TRPC1: variants seen among roughly 807,000 people sequenced by gnomAD.
The protein encoded by TRPC1 is transient receptor potential cation channel subfamily C member 1, also known as short transient receptor potential channel 1.
Under a neutral mutation model 88.2 loss-of-function variants are expected in TRPC1, and 42 were observed. The observed-to-expected ratio is 0.48, with a 90% confidence interval of 0.37 to 0.62. TRPC1 has a LOEUF of 0.62. Among genes scored for constraint, TRPC1 ranks in the 20% least tolerant of loss-of-function variants. TRPC1 has a pLI of 0.00. For synonymous variants in TRPC1, 288 were observed against 331.8 expected, an observed-to-expected ratio of 0.87 and a Z score of 1.43; for missense variants, 699 against 957.3, an observed-to-expected ratio of 0.73 and a Z score of 3.56.
chr3:142,784,192 T>C (rs1053108465), intron 6 of TRPC1, among the ~76,000 whole-genome samples: 1 of 152,148 alleles, frequency 6.6e-6, no homozygotes, highest in African/African-American at 2.4e-5. Context: ...AGACTGAAGA[T>C]GTCCAACATT....
chr3:142,777,337 A>T (rs1335268035), intron 4 of TRPC1, among the ~76,000 whole-genome samples: 1 of 152,224 alleles, frequency 6.6e-6, no homozygotes, highest in Non-Finnish European at 1.5e-5. Context: ...ATATGAATTT[A>T]ATTAAACTGG....
chr3:142,753,360 G>C (rs13081200), intron 4 of TRPC1, among the ~76,000 whole-genome samples: 21,938 of 152,222 alleles, frequency 0.14, 1,991 homozygotes, highest in Middle Eastern at 0.24. Flanking sequence ...GTTTGAGAGA[G>C]TTTGTTAATG....
At position 142,724,868 on chromosome 3, in the gene TRPC1, GC is replaced by G; in HGVS notation, c.172+138del. 1 of 1,079,834 alleles carries G rather than the reference GC, an allele frequency of 9.3e-7. No individual in the cohort carries two copies. The highest frequency in any genetic ancestry group is 1.2e-6 in the Non-Finnish European group (1 of 802,050). The allele number at this position is 1,079,834 out of a possible 1,614,324, so 66.9% of individuals were successfully genotyped here. ...CTTCCCGCCTCGCCTGCTGCCTCAG[GC>G]GGTCTTCTCCTCACCGCCTCTGCCC... is the stretch of plus-strand genomic sequence containing the variant. On this transcript the variant is annotated intron_variant, in intron 1 of 12. Coordinates refer to ENST00000476941, the MANE Select transcript of TRPC1 (RefSeq NM_001251845.2). This position sits in a 1 kb window ranked among gnomAD's most constrained non-coding sequence, Gnocchi z 5.6.
rs1175984676 is a variant in TRPC1, at chr3:142,724,280, C to G, written c.-280C>G. ...CGCGCGCCACACTGTCGTCCCCGGA[C>G]GGGCGCGGACCGGCTCGGCCGGGGC... is the stretch of plus-strand genomic sequence containing the variant. On this transcript the variant is annotated 5_prime_UTR_variant, in exon 1 of 13. Transcript: ENST00000476941. The surrounding 1 kb of genome is among the most constrained non-coding windows in gnomAD (Gnocchi z 5.6). 1 of 190,724 alleles carries G rather than the reference C, an allele frequency of 5.2e-6. No homozygotes were observed. The highest frequency in any genetic ancestry group is 2.3e-5 in the African/African-American group (1 of 42,624). 11.8% of individuals were successfully genotyped at this position (190,724 alleles called of 1,614,324 possible). A position where few individuals can be genotyped will look rare whatever the true frequency, so the allele number is the denominator to read the frequency against.
intron 4 of TRPC1, among the ~76,000 whole-genome samples, chr3:142,770,085 G>A (rs1935525178): frequency 7.6e-6 from 1 of 131,030 alleles, no homozygotes; most frequent in Non-Finnish European, 1.6e-5. Context: ...TATAGATGTT[G>A]TATGTTCCTT....
intron 9 of TRPC1, among the ~76,000 whole-genome samples, 186 bp from the exon 10 acceptor site, chr3:142,801,983 G>GAATGACTTT (rs1174000912): frequency 6.6e-6 from 1 of 152,074 alleles, no homozygotes; most frequent in Non-Finnish European, 1.5e-5. Context: ...GGTATGATTA[G>GAATGACTTT]AATGACTTTT....
chr3:142,802,272 G>GAT lies in TRPC1; in HGVS notation c.1689_1690dup (p.Thr564IlefsTer10). The stretch of plus-strand genomic sequence containing the variant: ...GGACTGACACAACTGTATGATAAAG[G>GAT]ATATACTTCAAAGGAGCAGAAGGAC... On this transcript the variant is annotated frameshift_variant, in exon 10 of 13. Transcript: ENST00000476941. LOFTEE classifies it high-confidence loss of function. The GAT allele has an allele frequency of 1.3e-6, 2 of 1,599,342 alleles. No individual in the cohort carries two copies. Among genetic ancestry groups the GAT allele is most frequent in the Non-Finnish European group, 1.7e-6 (2 of 1,173,958 alleles).
intron 4 of TRPC1, among the ~76,000 whole-genome samples, chr3:142,764,217 A>G (rs1020663331): frequency 6.6e-6 from 1 of 151,618 alleles, no homozygotes; most frequent in Admixed American, 6.6e-5. Flanking sequence ...ATTTCTTAAC[A>G]GGTTGCTATA....
intron 4 of TRPC1, among the ~76,000 whole-genome samples, chr3:142,766,557 T>G (rs1368964040): frequency 6.6e-6 from 1 of 152,064 alleles, no homozygotes; most frequent in African/African-American, 2.4e-5. Flanking sequence ...TGTACCACCA[T>G]GCCTGGCTAA....
intron 7 of TRPC1, among the ~76,000 whole-genome samples, chr3:142,786,226 C>T (rs936557652): frequency 6.6e-6 from 1 of 152,122 alleles, no homozygotes; most frequent in African/African-American, 2.4e-5. Context: ...AAAATTTAGT[C>T]TTATCTATGG....
chr3:142,784,273 T>A (rs983570745), intron 6 of TRPC1, among the ~76,000 whole-genome samples: 5 of 134,664 alleles, frequency 3.7e-5, no homozygotes, highest in Non-Finnish European at 4.4e-5. Flanking sequence ...TTATGAGTTT[T>A]TATATATTAA....
intron 6 of TRPC1, among the ~76,000 whole-genome samples, chr3:142,783,283 C>A (rs1166557762): frequency 6.6e-6 from 1 of 152,080 alleles, no homozygotes; most frequent in Non-Finnish European, 1.5e-5. Flanking sequence ...ATTTACTAAA[C>A]CTGGTCATTG....
At chr3:142,777,835 T>C (rs905007244) in intron 5 of TRPC1, 72 bp downstream of exon 5, 56 of 1,445,748 alleles carry the variant, frequency 3.9e-5, no homozygotes, top group Admixed American at 8.0e-5. Context: ...ATTACCCAAA[T>C]TATAATTTGT....
At chr3:142,735,185 T>G (rs1400347141) in intron 1 of TRPC1, among the ~76,000 whole-genome samples, 2 of 152,286 alleles carry the variant, frequency 1.3e-5, no homozygotes, top group Middle Eastern at 3.4e-3. Flanking sequence ...CCAGCTTCCT[T>G]CAAAAGAAGT....
rs754490710 is a variant in TRPC1 at position 142,748,380 on chromosome 3, T to C, written c.552T>C (p.Ser184=). The change falls in exon 4 of 13, where the codon TCT becomes TCC. Residue 184 remains serine, a synonymous_variant. Transcript: ENST00000476941. ...ILTMLLKQDV[S]LPKPHAVGCE... is the part of the protein sequence containing the mutation. ...CAATGCTCTTAAAACAGGATGTATCTCTACCCAAGCCCCATGCAGTTGGCT... is the reference window on the plus strand; with the variant it reads ...CAATGCTCTTAAAACAGGATGTATCCCTACCCAAGCCCCATGCAGTTGGCT... 3.1e-6 allele frequency: 5 copies of C among 1,614,016 alleles called. No individual in the cohort carries two copies. Among genetic ancestry groups the C allele is most frequent in the Admixed American group, 1.7e-5 (1 of 59,994 alleles).
rs999349259 is a variant in TRPC1, at chr3:142,737,381, T to C, written c.327+848T>C. Among the ~76,000 whole-genome samples the C allele has an allele frequency of 5.3e-5, 8 of 150,894 alleles. No homozygotes were observed. In the South Asian group the frequency reaches 1.0e-3, roughly 20 times the overall value. On this transcript the variant is annotated intron_variant, in intron 2 of 12. Transcript: ENST00000476941. Reference sequence around the variant, plus strand: ...ATGTATAAAACAACATGTGGTACTATCTCCATGTACATGTTTGGAGTAAAA... The same window carrying C: ...ATGTATAAAACAACATGTGGTACTACCTCCATGTACATGTTTGGAGTAAAA...
At chr3:142,752,542 G>A (rs7628539) in intron 4 of TRPC1, among the ~76,000 whole-genome samples, 135 of 152,124 alleles carry the variant, frequency 8.9e-4, no homozygotes, top group African/African-American at 3.1e-3. Context: ...GTTCCCAGGG[G>A]CAAGCAGGAG....
intron 9 of TRPC1, among the ~76,000 whole-genome samples, chr3:142,797,016 C>T (rs1936473354): frequency 1.3e-5 from 2 of 152,020 alleles, no homozygotes; most frequent in African/African-American, 4.8e-5. Flanking sequence ...TGCCCTTCCT[C>T]TTTTTTTCTT....
At chr3:142,788,253 T>C (rs1936191727) in intron 7 of TRPC1, among the ~76,000 whole-genome samples, 1 of 152,074 alleles carries the variant, frequency 6.6e-6, no homozygotes, top group Non-Finnish European at 1.5e-5. Flanking sequence ...GGGAGACCAA[T>C]ATCGATGCTG....
Sources: gnomAD v4.1 joint callset for allele counts (sites outside exome capture counted in the v4.1 genomes callset) on GRCh38, gnomAD v4.1.1 for gene constraint, Gnocchi (gnomAD v3.1) non-coding constraint, MANE v1.5 for transcripts, NCBI Gene and HGNC (gene_info 2026-07-23, HGNC 2026-07-21) for gene names.